SLC22A24: variants seen among roughly 807,000 people sequenced by gnomAD.
SLC22A24 encodes steroid transmembrane transporter SLC22A24.
In SLC22A24, 53 loss-of-function variants were observed where a neutral mutation model predicts 49.8. The ratio of observed to expected loss-of-function variants is 1.06; its 90% CI spans 0.85 to 1.34. The LOEUF is 1.34. Among genes scored for constraint, SLC22A24 ranks in the 40% most tolerant of loss-of-function variants. The pLI is 0.00. For synonymous variants in SLC22A24, 302 were observed against 256.4 expected (o/e 1.18, Z -1.70); for missense variants, 786 against 675.9 (o/e 1.16, Z -1.81).
chr11:63,087,171 G>A (rs2086992743), intron 6 of SLC22A24, among the ~76,000 whole-genome samples: 1 of 152,078 alleles, frequency 6.6e-6, no homozygotes, highest in Non-Finnish European at 1.5e-5. Flanking sequence ...AACAGCTCTG[G>A]TCTGCAGCTC....
At chr11:63,117,398 T>C (rs200178202) in intron 4 of SLC22A24, among the ~76,000 whole-genome samples, 5 of 152,202 alleles carry the variant, frequency 3.3e-5, no homozygotes, top group East Asian at 3.9e-4. Flanking sequence ...CCAGTCTTTA[T>C]TGAGAGGCTC....
At chr11:63,080,785 G>A in intron 9 of SLC22A24, 135 bp downstream of exon 9, 1 of 708,296 alleles carries the variant, frequency 1.4e-6, no homozygotes, top group Non-Finnish European at 2.3e-6. Context: ...AAAGGACATG[G>A]TGACAAATAG....
chr11:63,142,088 A>G (rs932778504), intron 1 of SLC22A24, among the ~76,000 whole-genome samples: 11 of 152,182 alleles, frequency 7.2e-5, no homozygotes, highest in African/African-American at 2.7e-4. Flanking sequence ...TTTACCTTAT[A>G]GCATGCTCTT....
intron 2 of SLC22A24, among the ~76,000 whole-genome samples, chr11:63,127,477 C>A (rs1376102985): frequency 2.0e-5 from 3 of 152,132 alleles, no homozygotes; most frequent in Non-Finnish European, 4.4e-5. Context: ...GATTTATAAT[C>A]CTTTGGGTAT....
intron 6 of SLC22A24, among the ~76,000 whole-genome samples, chr11:63,093,741 G>A (rs1052266173): frequency 1.3e-5 from 2 of 151,724 alleles, no homozygotes; most frequent in East Asian, 3.9e-4. Context: ...TAACTAATGG[G>A]TATTAGGCTC....
rs115475811 is a variant in SLC22A24, at chr11:63,119,472, T to G, written c.507-137A>C. The G allele has an allele frequency of 1.1e-3, 915 of 821,138 alleles. 9 individuals carry two copies. In the African/African-American group the frequency reaches 0.014, roughly 12 times the overall value. The allele number at this position is 821,138 out of a possible 1,614,324, so 50.9% of individuals were successfully genotyped here. A position where few individuals can be genotyped will look rare whatever the true frequency, so the allele number is the denominator to read the frequency against. Reference sequence around the variant, plus strand: ...TGGTGCTTGACACCGGGTGGCATAATTATATTAGTGAGCAGCAAAAATCAC... The same window carrying G: ...TGGTGCTTGACACCGGGTGGCATAAGTATATTAGTGAGCAGCAAAAATCAC... On this transcript the variant is annotated intron_variant, in intron 2 of 9. Transcript: ENST00000612278.
chr11:63,088,387 C>CATCAACATCAACATCAACATCAAT (rs2087000062), intron 6 of SLC22A24, among the ~76,000 whole-genome samples: 1 of 152,052 alleles, frequency 6.6e-6, no homozygotes, highest in Non-Finnish European at 1.5e-5. Flanking sequence ...TCAACATCAA[C>CATCAACATCAACATCAACATCAAT]ATCAACATAA....
intron 7 of SLC22A24, among the ~76,000 whole-genome samples, 185 bp downstream of exon 7, chr11:63,083,054 TTGAG>T (rs59462910): frequency 0.029 from 4,343 of 152,276 alleles, 181 homozygotes; most frequent in African/African-American, 0.097. Flanking sequence ...CTGACATTGA[TTGAG>T]TAAGAGCCCA....
At chr11:63,120,815 A>G (rs1244834491) in intron 2 of SLC22A24, among the ~76,000 whole-genome samples, 1 of 152,152 alleles carries the variant, frequency 6.6e-6, no homozygotes. Context: ...GTTTATATAG[A>G]ATATATTTTA....
chr11:63,108,166 G>T (rs1424893109), intron 4 of SLC22A24, among the ~76,000 whole-genome samples: 4 of 152,104 alleles, frequency 2.6e-5, no homozygotes, highest in Non-Finnish European at 5.9e-5. Context: ...TTTGTCAAAG[G>T]CCTTTTCTGC....
chr11:63,112,703 C>G (rs1316707703), intron 4 of SLC22A24, among the ~76,000 whole-genome samples: 1 of 151,942 alleles, frequency 6.6e-6, no homozygotes, highest in Non-Finnish European at 1.5e-5. Flanking sequence ...CAGTCTGCAT[C>G]TTTTAACTGG....
chr11:63,095,575 G>A (rs78892637), intron 6 of SLC22A24, among the ~76,000 whole-genome samples: 4,306 of 152,238 alleles, frequency 0.028, 188 homozygotes, highest in African/African-American at 0.099. Flanking sequence ...AGAGACATGA[G>A]AGATGATTCA....
At chr11:63,095,121 G>C (rs980112644) in intron 6 of SLC22A24, among the ~76,000 whole-genome samples, 5 of 152,108 alleles carry the variant, frequency 3.3e-5, no homozygotes, top group African/African-American at 9.7e-5. Context: ...TTAGGTCTAA[G>C]ATTTAAGTCT....
intron 6 of SLC22A24, among the ~76,000 whole-genome samples, chr11:63,092,371 T>A (rs4483593): frequency 0.5 from 73,100 of 147,048 alleles, 18,329 homozygotes; most frequent in East Asian, 0.54. Context: ...AAGCTACTAG[T>A]GACTTTCTTT....
In SLC22A24 at chr11:63,137,240, A is replaced by T. The variant is rs140895315; in HGVS notation, c.403-2472T>A. Among the ~76,000 whole-genome samples, 121 of 152,264 alleles carry T rather than the reference A, an allele frequency of 7.9e-4. 1 individual carries two copies. Among genetic ancestry groups the T allele is most frequent in the Non-Finnish European group, 1.4e-3 (93 of 68,008 alleles). ...GGAAGATTTCAAGGAGGTTTCTCAGATGGAGAATAGAAGGATAGTTTGGAA... is the reference window on the plus strand; with the variant it reads ...GGAAGATTTCAAGGAGGTTTCTCAGTTGGAGAATAGAAGGATAGTTTGGAA... On this transcript the variant is annotated intron_variant, in intron 1 of 9. Coordinates refer to ENST00000612278, the MANE Select transcript of SLC22A24 (RefSeq NM_001136506.2).
At chr11:63,111,629 A>T (rs942679939) in intron 4 of SLC22A24, among the ~76,000 whole-genome samples, 1 of 150,446 alleles carries the variant, frequency 6.6e-6, no homozygotes, top group Non-Finnish European at 1.5e-5. Flanking sequence ...TTTCTAGTTT[A>T]TTTGTGTAGA....
chr11:63,118,828 G>A (rs760727756), intron 4 of SLC22A24, 84 bp downstream of exon 4: 16 of 1,425,590 alleles, frequency 1.1e-5, no homozygotes, highest in Middle Eastern at 1.7e-4. Flanking sequence ...GCCAGAGACC[G>A]AACAGATCCC....
At chr11:63,116,669 A>G (rs1189234826) in intron 4 of SLC22A24, among the ~76,000 whole-genome samples, 3 of 152,094 alleles carry the variant, frequency 2.0e-5, no homozygotes, top group East Asian at 3.9e-4. Flanking sequence ...ATTATTTTTA[A>G]AAATATACTT....
chr11:63,129,353 G>A (rs192353173), intron 2 of SLC22A24, among the ~76,000 whole-genome samples: 222 of 152,246 alleles, frequency 1.5e-3, no homozygotes, highest in African/African-American at 4.9e-3. Flanking sequence ...TTTGGTACCC[G>A]TACCATGCTG....
Sources: gnomAD v4.1 joint callset for allele counts (sites outside exome capture counted in the v4.1 genomes callset) on GRCh38, gnomAD v4.1.1 for gene constraint, MANE v1.5 for transcripts, NCBI Gene and HGNC (gene_info 2026-07-23, HGNC 2026-07-21) for gene names.